EMCN: variants seen among roughly 807,000 people sequenced by gnomAD.
EMCN encodes MUC-14.
Under a neutral mutation model 38.4 loss-of-function variants are expected in EMCN, and 37 were observed. The observed-to-expected ratio is 0.96, with a 90% CI of 0.74 to 1.27. EMCN has a LOEUF of 1.27. EMCN is among the 50% of genes most tolerant of loss of function. The pLI, the probability that EMCN is intolerant of heterozygous loss-of-function variation, is 0.00. For synonymous variants in EMCN, 95 were observed against 100.8 expected, an observed-to-expected ratio of 0.94 and a Z score of 0.35; for missense variants, 318 against 302.8, an observed-to-expected ratio of 1.05 and a Z score of -0.37.
chr4:100,484,726 A>C (rs928947369), intron 1 of EMCN, among the ~76,000 whole-genome samples: 2 of 152,188 alleles, frequency 1.3e-5, no homozygotes, highest in African/African-American at 4.8e-5. Flanking sequence ...TGAAGACAGT[A>C]ACTTAAAATT....
intron 4 of EMCN, among the ~76,000 whole-genome samples, chr4:100,457,904 A>G (rs759824972): frequency 6.6e-6 from 1 of 152,014 alleles, no homozygotes; most frequent in Non-Finnish European, 1.5e-5. Flanking sequence ...GGATCATGAG[A>G]TCAGGAGTGC....
At chr4:100,449,876 T>C (rs895621635) in intron 4 of EMCN, among the ~76,000 whole-genome samples, 1 of 151,976 alleles carries the variant, frequency 6.6e-6, no homozygotes, top group Non-Finnish European at 1.5e-5. Context: ...ATTCTGTAAG[T>C]CTCAAATATT....
chr4:100,514,107 A>G (rs1042304811), intron 1 of EMCN, among the ~76,000 whole-genome samples: 14 of 152,078 alleles, frequency 9.2e-5, no homozygotes, highest in Non-Finnish European at 2.1e-4. Flanking sequence ...TCACCTCTCA[A>G]CATCACCTCT....
intron 1 of EMCN, among the ~76,000 whole-genome samples, chr4:100,480,976 T>C (rs1455745402): frequency 6.6e-6 from 1 of 152,120 alleles, no homozygotes; most frequent in Admixed American, 6.6e-5. Flanking sequence ...TTATAAAATA[T>C]TTTTAGTCCT....
intron 5 of EMCN, among the ~76,000 whole-genome samples, chr4:100,443,650 T>C (rs1451701711): frequency 1.3e-5 from 2 of 152,218 alleles, no homozygotes; most frequent in African/African-American, 4.8e-5. Flanking sequence ...ATATAGGTCA[T>C]GGGCTCAGGG....
chr4:100,397,993 G>A lies in EMCN; in HGVS notation c.*420C>T, dbSNP rs1209693390. 3 of 151,772 alleles carry A rather than the reference G, an allele frequency of 2.0e-5. No homozygotes were observed. Among genetic ancestry groups the A allele is most frequent in the Non-Finnish European group, 2.9e-5 (2 of 67,956 alleles). The allele number at this position is 151,772 out of a possible 1,614,324, so 9.4% of individuals were successfully genotyped here. On this transcript the variant is annotated 3_prime_UTR_variant, in exon 12 of 12. Coordinates refer to ENST00000296420, the MANE Select transcript of EMCN (RefSeq NM_016242.4). ...GGTAAACAATAAATACTAACAGTAG[G>A]TAATATAAGAACACTGAGAAAAGTA...
Position 100,410,297 on chromosome 4 carries a change from G to T in EMCN, c.*24C>A, listed in dbSNP as rs1379974933. The T allele has an allele frequency of 6.2e-7, 1 of 1,609,802 alleles. No homozygotes were observed. The highest frequency in any genetic ancestry group is 8.5e-7 in the Non-Finnish European group (1 of 1,176,164). On this transcript the variant is annotated 3_prime_UTR_variant, in exon 11 of 12. Transcript: ENST00000296420. The stretch of plus-strand genomic sequence containing the variant: ...GGAAACTTACGTAATTATTGCCTAG[G>T]TGTGGAGAGAATTCCTCAAGCTGTC...
intron 4 of EMCN, among the ~76,000 whole-genome samples, chr4:100,449,078 T>C (rs1727766601): frequency 6.6e-6 from 1 of 152,094 alleles, no homozygotes; most frequent in Non-Finnish European, 1.5e-5. Context: ...ATTTCTTATC[T>C]TGTTCAGAGA....
intron 9 of EMCN, 71 bp downstream of exon 9, chr4:100,417,046 A>G: frequency 2.8e-6 from 4 of 1,451,840 alleles, no homozygotes; most frequent in Non-Finnish European, 3.9e-6. Context: ...AAAAAAGTAT[A>G]AGTAGAGTAA....
At chr4:100,401,452 G>T (rs550660328) in intron 11 of EMCN, among the ~76,000 whole-genome samples, 4 of 152,044 alleles carry the variant, frequency 2.6e-5, no homozygotes, top group African/African-American at 9.7e-5. Context: ...TCAGGGACTT[G>T]AGCAACCACA....
intron 1 of EMCN, among the ~76,000 whole-genome samples, chr4:100,506,550 A>C (rs1447842297): frequency 6.6e-6 from 1 of 152,098 alleles, no homozygotes; most frequent in Non-Finnish European, 1.5e-5. Context: ...TAATATCATG[A>C]GGGGATATGA....
At chr4:100,422,006 C>T (rs1021729169) in intron 7 of EMCN, among the ~76,000 whole-genome samples, 4 of 151,606 alleles carry the variant, frequency 2.6e-5, no homozygotes, top group Admixed American at 2.6e-4. Context: ...TATTGCCTGC[C>T]TTCCTTCCTT....
chr4:100,475,064 G>C lies in EMCN; in HGVS notation c.233C>G (p.Ala78Gly). ...ELLKMSLMST[A>G]TFLTSKDEGL... ...TTCATCTTTACTTGTTAAAAAAGTA[G>C]CTGTTGACATCAGAGACATTTTAAG... Residue 78 changes from alanine (A) to glycine (G), a missense_variant, in exon 3 of 12, where the codon GCT (alanine) becomes GGT (glycine). Transcript: ENST00000296420. The C allele has an allele frequency of 6.5e-7, 1 of 1,538,696 alleles. No homozygotes were observed. The highest frequency in any genetic ancestry group is 8.8e-7 in the Non-Finnish European group (1 of 1,132,952).
intron 1 of EMCN, among the ~76,000 whole-genome samples, chr4:100,495,280 T>C (rs1425223012): frequency 1.3e-5 from 2 of 152,016 alleles, no homozygotes; most frequent in Admixed American, 6.6e-5. Flanking sequence ...TGAGTCACAA[T>C]AATGAGTTTG....
chr4:100,467,681 C>CA (rs3974786), intron 3 of EMCN, among the ~76,000 whole-genome samples: 33,586 of 83,358 alleles, frequency 0.4, 6,430 homozygotes, highest in Non-Finnish European at 0.46. Context: ...GACTCCGTCT[C>CA]AAAAAAAAAA....
In EMCN at chr4:100,423,077, AT is replaced by A; in HGVS notation, c.511del (p.Ile171Ter). 6.2e-7 allele frequency: 1 copy of A among 1,612,872 alleles called. No homozygotes were observed. The highest frequency in any genetic ancestry group is 1.3e-5 in the African/African-American group (1 of 74,946). On this transcript the variant is annotated frameshift_variant and splice_region_variant, in exon 7 of 12. Transcript: ENST00000296420. LOFTEE classifies it high-confidence loss of function. ...IPENTSQSQVIGTEGGKNAST... is the reference protein window; with the variant it reads ...IPENTSQSQVXGTEGGKNAST... ...TGCATTTTTTCCACCCTCAGTGCCT[AT>A]TACTTTAAGAAAGAAAAAAACAAGT...
intron 4 of EMCN, among the ~76,000 whole-genome samples, chr4:100,451,881 T>C (rs1055160812): frequency 6.6e-6 from 1 of 152,026 alleles, no homozygotes; most frequent in Non-Finnish European, 1.5e-5. Flanking sequence ...TTTATCTCCC[T>C]TAATCTTCAC....
At chr4:100,402,487 C>G (rs1726285068) in intron 11 of EMCN, among the ~76,000 whole-genome samples, 2 of 152,072 alleles carry the variant, frequency 1.3e-5, no homozygotes, top group Non-Finnish European at 2.9e-5. Context: ...ATAGTAGTTA[C>G]TCTTTGGTTA....
chr4:100,435,261 A>C (rs1378462325), intron 5 of EMCN, among the ~76,000 whole-genome samples: 1 of 152,160 alleles, frequency 6.6e-6, no homozygotes, highest in Non-Finnish European at 1.5e-5. Context: ...ATCATGAATA[A>C]ACTCACATTC....
Sources: gnomAD v4.1 joint callset for allele counts (sites outside exome capture counted in the v4.1 genomes callset) on GRCh38, gnomAD v4.1.1 for gene constraint, MANE v1.5 for transcripts, NCBI Gene and HGNC (gene_info 2026-07-23, HGNC 2026-07-21) for gene names.